The following UHRF2 variants were observed in gnomAD, a reference collection of about 807,000 sequenced individuals.
UHRF2 encodes the protein E3 ubiquitin-protein ligase UHRF2.
UHRF2 carries 23 observed loss-of-function variants against 96.8 expected under a neutral mutation model. The ratio of observed to expected loss-of-function variants is 0.24; its 90% CI spans 0.17 to 0.34. The LOEUF is 0.34. Ranked by LOEUF, UHRF2 falls within the 10% of genes least tolerant of loss-of-function variation. The probability of loss-of-function intolerance (pLI) is 1.00; values close to 1 mark genes in which losing one functional copy is unlikely to be tolerated. For missense variants in UHRF2, 685 were observed against 981.5 expected (o/e 0.70, Z 4.04); for synonymous variants, 385 against 332.6 (o/e 1.16, Z -1.72).
Position 6,496,416 on chromosome 9 carries a change from A to G in UHRF2, c.1605-782A>G, listed in dbSNP as rs557442716. On this transcript the variant is annotated intron_variant, in intron 10 of 15. Transcript: ENST00000276893. ...GTACAACTAGGTTCTCCCAAGAGTA[A>G]GGTCTTCTAACATCTAATAAGCTCA... is the stretch of plus-strand genomic sequence containing the variant. 5 of 152,346 alleles carry G rather than the reference A, an allele frequency of 3.3e-5. No homozygotes were observed. In the East Asian group the frequency reaches 9.6e-4, roughly 29 times the overall value. 9.4% of individuals were successfully genotyped at this position (152,346 alleles called of 1,614,324 possible). A position where few individuals can be genotyped will look rare whatever the true frequency, so the allele number is the denominator to read the frequency against.
chr9:6,444,654 TACA>T (rs1821380419), intron 3 of UHRF2, among the ~76,000 whole-genome samples: 1 of 152,084 alleles, frequency 6.6e-6, no homozygotes, highest in South Asian at 2.1e-4. Context: ...TAGGCTGGAG[TACA>T]ATGGCATAAT....
At chr9:6,504,550 G>A (rs1816484006) in intron 14 of UHRF2, 43 bp from the exon 15 acceptor site, 3 of 1,383,930 alleles carry the variant, frequency 2.2e-6, no homozygotes, top group Non-Finnish European at 3.0e-6. Context: ...AGCATATTAT[G>A]AACTGCTAAC....
intron 15 of UHRF2, 124 bp from the exon 16 acceptor site, chr9:6,505,909 A>G: frequency 1.0e-6 from 1 of 988,268 alleles, no homozygotes; most frequent in Non-Finnish European, 1.5e-6. Context: ...TCAAGCCTTT[A>G]TGTTTGTTCA....
intron 1 of UHRF2, among the ~76,000 whole-genome samples, chr9:6,420,548 A>G (rs968324422): frequency 4.0e-5 from 6 of 151,180 alleles, no homozygotes; most frequent in Non-Finnish European, 7.4e-5. Flanking sequence ...TAAAAATACA[A>G]AAAAAAATTA....
At chr9:6,421,915 A>T (rs1482248517) in intron 2 of UHRF2, among the ~76,000 whole-genome samples, 1 of 152,178 alleles carries the variant, frequency 6.6e-6, no homozygotes, top group Non-Finnish European at 1.5e-5. Flanking sequence ...GCATTGAAAG[A>T]TTCTCTGCAT....
intron 4 of UHRF2, among the ~76,000 whole-genome samples, chr9:6,473,734 C>G (rs1281196256): frequency 1.3e-5 from 2 of 152,282 alleles, no homozygotes; most frequent in African/African-American, 2.4e-5. Context: ...CTACTTAACT[C>G]CCCTGTTAAC....
At chr9:6,456,818 G>T (rs1412502493) in intron 3 of UHRF2, among the ~76,000 whole-genome samples, 3 of 152,092 alleles carry the variant, frequency 2.0e-5, no homozygotes, top group African/African-American at 7.2e-5. Flanking sequence ...GTTTTTGTCA[G>T]GATTGTCAAA....
intron 2 of UHRF2, 27 bp from the exon 3 acceptor site, chr9:6,433,887 C>T (rs776637964): frequency 3.2e-5 from 51 of 1,591,932 alleles, no homozygotes; most frequent in Non-Finnish European, 4.2e-5. Context: ...AATTAAGCTT[C>T]ATTAACTGAT....
At chr9:6,443,423 G>A (rs1821299384) in intron 3 of UHRF2, among the ~76,000 whole-genome samples, 1 of 152,210 alleles carries the variant, frequency 6.6e-6, no homozygotes, top group African/African-American at 2.4e-5. Flanking sequence ...GAGCTAGTAA[G>A]TAGCAGGCAG....
At chr9:6,419,571 C>G (rs1819806594) in intron 1 of UHRF2, among the ~76,000 whole-genome samples, 1 of 151,988 alleles carries the variant, frequency 6.6e-6, no homozygotes, top group South Asian at 2.1e-4. Flanking sequence ...GAGCTGATGA[C>G]TTAATGTCTT....
At chr9:6,484,871 G>A (rs1230227656) in intron 8 of UHRF2, among the ~76,000 whole-genome samples, 1 of 121,996 alleles carries the variant, frequency 8.2e-6, no homozygotes, top group Non-Finnish European at 1.6e-5. Flanking sequence ...TCGGCTCACC[G>A]CAACCTCCGC....
chr9:6,479,153 C>A (rs1387903891), intron 6 of UHRF2, among the ~76,000 whole-genome samples: 1 of 152,176 alleles, frequency 6.6e-6, no homozygotes, highest in Non-Finnish European at 1.5e-5. Context: ...CTACCCCGTT[C>A]TCTGCTTCTT....
intron 10 of UHRF2, 154 bp from the exon 11 acceptor site, chr9:6,497,044 G>A: frequency 1.4e-6 from 1 of 722,194 alleles, no homozygotes. Flanking sequence ...GCTGGTGGGG[G>A]AAAGCATAAT....
chr9:6,418,152 G>GT, intron 1 of UHRF2, among the ~76,000 whole-genome samples: 1 of 151,812 alleles, frequency 6.6e-6, no homozygotes. Context: ...GGGTTTTTTT[G>GT]TGGGGGTGTT....
At chr9:6,458,062 G>T (rs952120283) in intron 3 of UHRF2, among the ~76,000 whole-genome samples, 16 of 152,124 alleles carry the variant, frequency 1.1e-4, no homozygotes, top group African/African-American at 3.6e-4. Flanking sequence ...CTGTTGTTTG[G>T]AATAGTTTCA....
intron 1 of UHRF2, chr9:6,414,288 C>T (rs1444176122): frequency 3.3e-5 from 5 of 152,254 alleles, no homozygotes; most frequent in South Asian, 2.1e-4. Flanking sequence ...CATGAAGAAA[C>T]TGTCGGTTTA....
At chr9:6,471,705 G>C (rs180872655) in intron 4 of UHRF2, among the ~76,000 whole-genome samples, 4 of 152,278 alleles carry the variant, frequency 2.6e-5, no homozygotes, top group Admixed American at 2.6e-4. Context: ...GCTACTCCCA[G>C]ATTCCTGACC....
At chr9:6,469,148 T>C (rs1369297127) in intron 4 of UHRF2, among the ~76,000 whole-genome samples, 1 of 152,194 alleles carries the variant, frequency 6.6e-6, no homozygotes, top group East Asian at 1.9e-4. Context: ...CAGCTGAGAA[T>C]TGGAATTCAC....
chr9:6,505,059 C>G (rs1816512176), intron 15 of UHRF2, among the ~76,000 whole-genome samples: 2 of 152,002 alleles, frequency 1.3e-5, no homozygotes, highest in Non-Finnish European at 2.9e-5. Context: ...GCATCATGCC[C>G]AGATGAATTG....
Sources: gnomAD v4.1 joint callset for allele counts (sites outside exome capture counted in the v4.1 genomes callset) on GRCh38, gnomAD v4.1.1 for gene constraint, MANE v1.5 for transcripts, NCBI Gene and HGNC (gene_info 2026-07-23, HGNC 2026-07-21) for gene names.